SORCS2: variants seen among roughly 807,000 people sequenced by gnomAD.
The protein encoded by SORCS2 is sortilin related VPS10 domain containing receptor 2.
A neutral mutation model predicts 141.6 loss-of-function variants in SORCS2; 100 were observed. The ratio of observed to expected loss-of-function variants is 0.71; its 90% CI spans 0.60 to 0.83. The LOEUF (loss-of-function observed/expected upper bound fraction) is 0.83, where lower values mean the gene tolerates loss of function less well. Ranked by LOEUF, SORCS2 falls within the 40% of genes least tolerant of loss-of-function variation. The pLI, the probability that SORCS2 is intolerant of heterozygous loss-of-function variation, is 0.00. For synonymous variants in SORCS2, 789 were observed against 676.9 expected (o/e 1.17, Z -2.57); for missense variants, 1,646 against 1,560.2 (o/e 1.05, Z -0.93).
rs190387109 is a variant in SORCS2 at position 7,666,045 on chromosome 4, T to C, written c.1072-1079T>C. 2.0e-4 allele frequency among the ~76,000 whole-genome samples: 30 copies of C among 152,000 alleles called. No homozygotes were observed. The East Asian group carries it at 5.6e-3, about 29-fold the overall frequency. On this transcript the variant is annotated intron_variant, in intron 7 of 26. Coordinates refer to ENST00000507866, the MANE Select transcript of SORCS2 (RefSeq NM_020777.3). ...GAGGAAACCGGGTGTGACTCTGGAT[T>C]GAGGGATGTGAGGAGGTGAGGTCCT... is the stretch of plus-strand genomic sequence containing the variant.
chr4:7,625,913 C>T (rs561453268), intron 3 of SORCS2, among the ~76,000 whole-genome samples: 13 of 152,138 alleles, frequency 8.5e-5, no homozygotes, highest in Admixed American at 3.9e-4. Context: ...CCAAGGCAGG[C>T]GGATTGCTTG....
Position 7,486,496 on chromosome 4 carries a change from C to A in SORCS2, c.549-45034C>A, listed in dbSNP as rs554766687. 2.3e-4 allele frequency among the ~76,000 whole-genome samples: 35 copies of A among 152,332 alleles called. 1 individual carries two copies. In the South Asian group the frequency reaches 7.3e-3, roughly 32 times the overall value. Reference sequence around the variant, plus strand: ...CCATTCAGGGACCCTGATGCCTGTTCCTGCGGGACCCGAGGCTGAGCTATC... The same window carrying A: ...CCATTCAGGGACCCTGATGCCTGTTACTGCGGGACCCGAGGCTGAGCTATC... On this transcript the variant is annotated intron_variant, in intron 2 of 26. Coordinates refer to ENST00000507866, the MANE Select transcript of SORCS2 (RefSeq NM_020777.3).
At chr4:7,344,621 G>C (rs1264643917) in intron 1 of SORCS2, among the ~76,000 whole-genome samples, 1 of 152,218 alleles carries the variant, frequency 6.6e-6, no homozygotes, top group African/African-American at 2.4e-5. Flanking sequence ...AGTTTGAGCA[G>C]AGAGTGGACA....
chr4:7,444,527 G>T (rs1727870249), intron 2 of SORCS2, among the ~76,000 whole-genome samples: 1 of 152,234 alleles, frequency 6.6e-6, no homozygotes, highest in African/African-American at 2.4e-5. Flanking sequence ...GGTGCAGGAA[G>T]AACAGGGGCC....
At chr4:7,260,518 A>C (rs535087676) in intron 1 of SORCS2, among the ~76,000 whole-genome samples, 1 of 152,262 alleles carries the variant, frequency 6.6e-6, no homozygotes, top group Admixed American at 6.5e-5. Context: ...GGCTTTTAAC[A>C]GTTGTTTGTG....
rs960155099 is a variant in SORCS2 at position 7,425,525 on chromosome 4, T to A, written c.548+29170T>A. On this transcript the variant is annotated intron_variant, in intron 2 of 26. Transcript: ENST00000507866. ...TCCTAAATAAATGATACCTAACCCC[T>A]CCTGGATTAGAAGCCCGACACCTGA... 3.9e-5 allele frequency among the ~76,000 whole-genome samples: 6 copies of A among 152,286 alleles called. No individual in the cohort carries two copies. The East Asian group carries it at 9.7e-4, about 25-fold the overall frequency.
At chr4:7,370,154 C>A (rs1722156657) in intron 1 of SORCS2, among the ~76,000 whole-genome samples, 1 of 152,082 alleles carries the variant, frequency 6.6e-6, no homozygotes, top group Non-Finnish European at 1.5e-5. Flanking sequence ...TTTGCTCAAT[C>A]CCTGGGCTCT....
chr4:7,496,453 T>TTCCC (rs1731628367), intron 2 of SORCS2, among the ~76,000 whole-genome samples: 1 of 58,276 alleles, frequency 1.7e-5, no homozygotes, highest in Non-Finnish European at 3.6e-5. Context: ...CCCCACCCGT[T>TTCCC]CCCCGTCCCC....
intron 2 of SORCS2, among the ~76,000 whole-genome samples, chr4:7,477,694 C>T (rs1044109465): frequency 9.2e-5 from 14 of 152,222 alleles, no homozygotes; most frequent in South Asian, 2.1e-4. Context: ...GACAAATGGC[C>T]GTGAGATGAG....
At chr4:7,553,224 G>T (rs777415715) in intron 3 of SORCS2, among the ~76,000 whole-genome samples, 20 of 152,074 alleles carry the variant, frequency 1.3e-4, no homozygotes, top group Non-Finnish European at 1.9e-4. Flanking sequence ...GGGTGGTGGG[G>T]TGGTCAGGGG....
chr4:7,612,944 C>T (rs112923039), intron 3 of SORCS2, among the ~76,000 whole-genome samples: 1,091 of 100,350 alleles, frequency 0.011, 18 homozygotes, highest in African/African-American at 0.035. Flanking sequence ...TTCTTCGAGC[C>T]GGGCAAGGGC....
intron 1 of SORCS2, among the ~76,000 whole-genome samples, chr4:7,263,810 C>T (rs1378629001): frequency 6.6e-6 from 1 of 152,186 alleles, no homozygotes; most frequent in Non-Finnish European, 1.5e-5. Context: ...TGGGCAAGTG[C>T]CTTCATGGTC....
chr4:7,703,236 A>C, intron 12 of SORCS2, 44 bp from the exon 13 acceptor site: 1 of 1,523,286 alleles, frequency 6.6e-7, no homozygotes, highest in Non-Finnish European at 8.9e-7. Context: ...ACAACCTCCG[A>C]CCTTCTCAGG....
intron 2 of SORCS2, among the ~76,000 whole-genome samples, chr4:7,447,285 T>C (rs577304449): frequency 4.1e-4 from 62 of 152,226 alleles, no homozygotes; most frequent in Non-Finnish European, 8.1e-4. Context: ...ATCCTGAGCA[T>C]CCCCTGCCTG....
Position 7,667,163 on chromosome 4 carries a change from C to G in SORCS2, c.1111C>G (p.Arg371Gly), listed in dbSNP as rs376586230. ...ANQTKYYVSY[R>G]RNEFVLMKLP... The stretch of plus-strand genomic sequence containing the variant: ...CCAGACAAAATACTACGTCTCTTAT[C>G]GTCGAAATGAATTTGTCCTGATGAA... Residue 371 changes from arginine to glycine, a missense_variant, in exon 8 of 27, where the codon CGT becomes GGT. Coordinates refer to ENST00000507866, the MANE Select transcript of SORCS2 (RefSeq NM_020777.3). 1 of 1,613,776 alleles carries G rather than the reference C, an allele frequency of 6.2e-7. No homozygotes were observed. The highest frequency in any genetic ancestry group is 8.5e-7 in the Non-Finnish European group (1 of 1,179,732).
Position 7,635,994 on chromosome 4 carries a change from C to T in SORCS2, c.649-2334C>T, listed in dbSNP as rs142448015. On this transcript the variant is annotated intron_variant, in intron 3 of 26. Transcript: ENST00000507866. ...ACTCCTTGCAGACTATTGATTTTTG[C>T]TCCATGAGCTTAATTGTCTTCTGGA... 2.9e-3 allele frequency among the ~76,000 whole-genome samples: 439 copies of T among 152,340 alleles called. 4 individuals are homozygous for T. The highest frequency in any genetic ancestry group is 0.01 in the African/African-American group (423 of 41,588).
intron 1 of SORCS2, among the ~76,000 whole-genome samples, chr4:7,198,346 G>T (rs956363495): frequency 2.6e-5 from 4 of 152,212 alleles, no homozygotes; most frequent in African/African-American, 7.2e-5. Context: ...GAAGCCTCGT[G>T]TCCGATGCTT....
At chr4:7,550,128 GTGTA>G (rs1179182184) in intron 3 of SORCS2, among the ~76,000 whole-genome samples, 3 of 64,570 alleles carry the variant, frequency 4.6e-5, no homozygotes, top group Admixed American at 2.1e-4. Flanking sequence ...GTGTGTATGT[GTGTA>G]TGTGTGTGTG....
chr4:7,667,306 G>T lies in SORCS2; in HGVS notation c.1161+93G>T. The T allele has an allele frequency of 3.4e-6, 4 of 1,173,286 alleles. No homozygotes were observed. The Admixed American group carries it at 7.2e-5, about 21-fold the overall frequency. The allele number at this position is 1,173,286 out of a possible 1,614,324, so 72.7% of individuals were successfully genotyped here. On this transcript the variant is annotated intron_variant, in intron 8 of 26. Transcript: ENST00000507866. ...CAGGACTCACACACAGGTGCTTGGC[G>T]GTCCCAGGTCAGGATGGACAAGAAC...
Sources: allele counts gnomAD v4.1 joint callset (sites outside exome capture counted in the v4.1 genomes callset), GRCh38; gene constraint gnomAD v4.1.1; transcripts MANE v1.5; gene names NCBI Gene and HGNC (gene_info 2026-07-23, HGNC 2026-07-21).